The following LARP4B variants were observed in gnomAD, a reference collection of about 807,000 sequenced individuals.
LARP4B encodes the protein La ribonucleoprotein 4B.
In LARP4B, 12 loss-of-function variants were observed where a neutral mutation model predicts 89.8. That is an observed-to-expected ratio of 0.13 (90% CI 0.09 to 0.22). LARP4B has a LOEUF of 0.22. Ranked by LOEUF, LARP4B falls within the 10% of genes least tolerant of loss-of-function variation. The pLI, the probability that LARP4B is intolerant of heterozygous loss-of-function variation, is 1.00. For missense variants in LARP4B, 757 were observed against 947.7 expected (o/e 0.80, Z 2.64); for synonymous variants, 367 against 363.3 (o/e 1.01, Z -0.12).
chr10:950,793 T>C, the LARP4B span, among the ~76,000 whole-genome samples: 2 of 152,210 alleles, frequency 1.3e-5, no homozygotes, highest in African/African-American at 4.8e-5. Context: ...TTTGTATTCA[T>C]TACTAGTATA....
intron 8 of LARP4B, 52 bp downstream of exon 8, chr10:836,349 AAC>A (rs1833218123): frequency 7.8e-7 from 1 of 1,274,264 alleles, no homozygotes; most frequent in Non-Finnish European, 1.1e-6. Flanking sequence ...AATCAAAACC[AAC>A]AAAGACCTTT....
intron 5 of LARP4B, among the ~76,000 whole-genome samples, chr10:861,269 G>C (rs1834603350): frequency 1.3e-5 from 2 of 152,190 alleles, no homozygotes; most frequent in South Asian, 4.1e-4. Context: ...TACAGGTACA[G>C]AACAACTTAT....
chr10:964,599 T>C, the LARP4B span, among the ~76,000 whole-genome samples: 1 of 152,092 alleles, frequency 6.6e-6, no homozygotes, highest in Non-Finnish European at 1.5e-5. Context: ...AATGGACATG[T>C]CAGACGTCAG....
chr10:833,249 TAAAAAAA>T (rs56788542), intron 8 of LARP4B, among the ~76,000 whole-genome samples: 26 of 52,036 alleles, frequency 5.0e-4, no homozygotes, highest in South Asian at 1.5e-3. Context: ...TGATGAGCTT[TAAAAAAA>T]AAAAAAAAAA....
intron 5 of LARP4B, among the ~76,000 whole-genome samples, chr10:851,095 G>A (rs181686825): frequency 1.5e-4 from 23 of 150,678 alleles, no homozygotes; most frequent in South Asian, 4.2e-4. Context: ...GAAATCGTAA[G>A]AGAGTATATT....
chr10:812,851 C>G lies in LARP4B; in HGVS notation c.*75G>C. ...CTGCAAGCTCCTAACCAGCGGCTCG[C>G]CCTCGCACTGAGTGGGAGAGTGTCT... On this transcript the variant is annotated 3_prime_UTR_variant, in exon 18 of 18. Transcript: ENST00000316157. The G allele has an allele frequency of 1.4e-6, 2 of 1,399,750 alleles. No individual in the cohort carries two copies. The allele number at this position is 1,399,750 out of a possible 1,614,324, so 86.7% of individuals were successfully genotyped here.
chr10:848,636 T>C (rs1833893626), intron 5 of LARP4B, among the ~76,000 whole-genome samples: 1 of 148,668 alleles, frequency 6.7e-6, no homozygotes, highest in Non-Finnish European at 1.5e-5. Context: ...CTTGATGAGA[T>C]TAACAACAGG....
At position 860,177 on chromosome 10, in the gene LARP4B, G is replaced by A. The variant is rs1016289778; in HGVS notation, c.430+3566C>T. Among the ~76,000 whole-genome samples the A allele has an allele frequency of 5.9e-5, 9 of 151,614 alleles. No individual in the cohort carries two copies. The East Asian group carries it at 1.5e-3, about 26-fold the overall frequency. ...ATCTCTATACCTTCCACTAAAACTC[G>A]CTGTGAACCTGAAAGTGCTCTAAAA... is the stretch of plus-strand genomic sequence containing the variant. On this transcript the variant is annotated intron_variant, in intron 5 of 17. Coordinates refer to ENST00000316157, the MANE Select transcript of LARP4B (RefSeq NM_015155.3).
chr10:822,554 C>G lies in LARP4B; in HGVS notation c.1485-1709G>C, dbSNP rs1261788566. ...ACGTAACCCGTGTCAGACCCAGAAG[C>G]CCACCTGCAGCCGTAGAACACTGTC... On this transcript the variant is annotated intron_variant, in intron 13 of 17. Transcript: ENST00000316157. The surrounding 1 kb of genome is among the most constrained non-coding windows in gnomAD (Gnocchi z 4.6). Among the ~76,000 whole-genome samples the G allele has an allele frequency of 2.6e-5, 4 of 152,232 alleles. No homozygotes were observed. Among genetic ancestry groups the G allele is most frequent in the Non-Finnish European group, 4.4e-5 (3 of 68,040 alleles).
intron 3 of LARP4B, among the ~76,000 whole-genome samples, chr10:864,556 T>C (rs1834794981): frequency 6.6e-6 from 1 of 152,152 alleles, no homozygotes; most frequent in Non-Finnish European, 1.5e-5. Context: ...TCACAAACTA[T>C]ACCTGAGGAA....
the LARP4B span, among the ~76,000 whole-genome samples, chr10:969,356 T>C: frequency 6.6e-6 from 1 of 152,168 alleles, no homozygotes; most frequent in African/African-American, 2.4e-5. Flanking sequence ...GAAAGCTTGA[T>C]GACAAGGGCT....
At chr10:858,529 A>C (rs774322045) in intron 5 of LARP4B, among the ~76,000 whole-genome samples, 2 of 152,238 alleles carry the variant, frequency 1.3e-5, no homozygotes, top group Non-Finnish European at 2.9e-5. Flanking sequence ...GCAGCCCAAC[A>C]AAAAATAAAC....
At chr10:904,803 T>A (rs1836445013) in intron 1 of LARP4B, among the ~76,000 whole-genome samples, 2 of 152,116 alleles carry the variant, frequency 1.3e-5, no homozygotes, top group Non-Finnish European at 2.9e-5. Context: ...TGTTCTTTAC[T>A]GCTGAGTACT....
At position 923,146 on chromosome 10, in the gene LARP4B, G is replaced by A. The variant is rs551635612; in HGVS notation, c.-40+8282C>T. Among the ~76,000 whole-genome samples the A allele has an allele frequency of 2.6e-5, 4 of 151,880 alleles. No homozygotes were observed. The South Asian group carries it at 6.2e-4, about 24-fold the overall frequency. On this transcript the variant is annotated intron_variant, in intron 1 of 17. Transcript: ENST00000316157. ...TTCACAGTAAGCTACTGTATTTACA[G>A]TACTCAAGAAACACTAAATGCCAGT...
chr10:880,413 G>A (rs189804398), intron 3 of LARP4B, among the ~76,000 whole-genome samples: 165 of 152,266 alleles, frequency 1.1e-3, no homozygotes, highest in African/African-American at 3.7e-3. Flanking sequence ...TGGGCCGGGT[G>A]CAGTGGCTCA....
chr10:899,996 C>T (rs1402752117), intron 1 of LARP4B, among the ~76,000 whole-genome samples: 5 of 150,890 alleles, frequency 3.3e-5, no homozygotes, highest in African/African-American at 9.8e-5. Context: ...TTTGAAGCTA[C>T]ATAAATTGAT....
chr10:930,590 ACT>A (rs1458279782), intron 1 of LARP4B, among the ~76,000 whole-genome samples: 1 of 152,020 alleles, frequency 6.6e-6, no homozygotes. Flanking sequence ...AAACGGAAAG[ACT>A]CTTCACGTTC....
chr10:909,023 G>A (rs577841050), intron 1 of LARP4B, among the ~76,000 whole-genome samples: 47 of 152,224 alleles, frequency 3.1e-4, no homozygotes, highest in Non-Finnish European at 3.7e-4. Flanking sequence ...GGCCAGGCGC[G>A]GTGGCTCATG....
intron 5 of LARP4B, among the ~76,000 whole-genome samples, chr10:848,693 G>C (rs1478743688): frequency 6.6e-6 from 1 of 152,010 alleles, no homozygotes; most frequent in Admixed American, 6.6e-5. Flanking sequence ...AGTAACAGAA[G>C]CTTCCCAAAA....
Sources: allele counts gnomAD v4.1 joint callset (sites outside exome capture counted in the v4.1 genomes callset), GRCh38; gene constraint gnomAD v4.1.1; non-coding constraint Gnocchi (gnomAD v3.1); transcripts MANE v1.5; gene names NCBI Gene and HGNC (gene_info 2026-07-23, HGNC 2026-07-21).